Variants in ZFHX3 observed in about 807,000 individuals in gnomAD.
ZFHX3 encodes the protein zinc finger homeobox protein 3.
Under a neutral mutation model 279.1 loss-of-function variants are expected in ZFHX3, and 42 were observed. The observed-to-expected ratio is 0.15, with a 90% CI of 0.12 to 0.19. The LOEUF (loss-of-function observed/expected upper bound fraction) is 0.19. Among genes scored for constraint, ZFHX3 ranks in the 10% least tolerant of loss-of-function variants. The pLI, the probability that ZFHX3 is intolerant of heterozygous loss-of-function variation, is 1.00. For missense variants in ZFHX3, 4,981 were observed against 4,754.0 expected, an observed-to-expected ratio of 1.05 and a Z score of -1.40; for synonymous variants, 2,293 against 1,957.8, an observed-to-expected ratio of 1.17 and a Z score of -4.52.
chr16:73,167,012 C>A (rs1289087742), intron 5 of ZFHX3, among the ~76,000 whole-genome samples: 2 of 152,218 alleles, frequency 1.3e-5, no homozygotes, highest in African/African-American at 2.4e-5. Flanking sequence ...AAATTAGCTC[C>A]AAACTATAGC....
intron 3 of ZFHX3, among the ~76,000 whole-genome samples, chr16:72,932,504 T>C (rs1301627449): frequency 1.3e-5 from 2 of 152,084 alleles, no homozygotes; most frequent in Non-Finnish European, 2.9e-5. Flanking sequence ...ACTTAGTGCT[T>C]GAAGGAGACT....
At chr16:73,326,182 C>T (rs973756379) in intron 3 of ZFHX3, among the ~76,000 whole-genome samples, 3 of 152,142 alleles carry the variant, frequency 2.0e-5, no homozygotes, top group Middle Eastern at 3.2e-3. Context: ...TTATTCAATG[C>T]TACTTTGTAT....
exon 1 of ZFHX3, chr16:73,058,564 C>T: frequency 4.8e-6 from 1 of 208,034 alleles, no homozygotes; most frequent in Non-Finnish European, 9.2e-6. Flanking sequence ...GCTGCAGCGG[C>T]GCTGCTGGCG....
At chr16:73,035,673 C>G (rs760488258) in intron 1 of ZFHX3, among the ~76,000 whole-genome samples, 1 of 152,168 alleles carries the variant, frequency 6.6e-6, no homozygotes, top group Non-Finnish European at 1.5e-5. Context: ...ATCACTTGAG[C>G]TCAGGAGTTC....
At chr16:73,317,986 T>C (rs1171428427) in intron 4 of ZFHX3, among the ~76,000 whole-genome samples, 1 of 152,120 alleles carries the variant, frequency 6.6e-6, no homozygotes, top group African/African-American at 2.4e-5. Flanking sequence ...AGCAAAAGCA[T>C]CCATTTGGGT....
chr16:72,785,417 G>GTGTC lies in ZFHX3; in HGVS notation c.*1743_*1746dup, dbSNP rs1339681612. On this transcript the variant is annotated 3_prime_UTR_variant, in exon 10 of 10. Coordinates refer to ENST00000268489, the MANE Select transcript of ZFHX3 (RefSeq NM_006885.4). ...AGGACAAAACTTTGAAGTAAAAAAT[G>GTGTC]TGTCTTTTGGTATATGGAATTGTCA... 2 of 152,738 alleles carry GTGTC rather than the reference G, an allele frequency of 1.3e-5. No individual in the cohort carries two copies. The highest frequency in any genetic ancestry group is 1.9e-4 in the East Asian group (1 of 5,190). 9.5% of individuals were successfully genotyped at this position (152,738 alleles called of 1,614,324 possible).
chr16:73,558,874 A>G (rs2020327486), intron 2 of ZFHX3, among the ~76,000 whole-genome samples: 1 of 150,318 alleles, frequency 6.7e-6, no homozygotes, highest in African/African-American at 2.4e-5. Context: ...CACCATGCCC[A>G]GCTCACTTTT....
At chr16:73,666,499 C>T (rs1291077272) in intron 2 of ZFHX3, among the ~76,000 whole-genome samples, 2 of 151,858 alleles carry the variant, frequency 1.3e-5, no homozygotes, top group African/African-American at 4.9e-5. Flanking sequence ...ACAAAACCTC[C>T]TGAGACAGAA....
intron 4 of ZFHX3, among the ~76,000 whole-genome samples, chr16:73,298,018 C>G (rs1028949868): frequency 3.7e-5 from 5 of 136,286 alleles, no homozygotes; most frequent in Non-Finnish European, 6.4e-5. Context: ...GACCCTGTCT[C>G]TAAAAAAAAT....
At chr16:73,545,439 A>G (rs1253230247) in intron 2 of ZFHX3, among the ~76,000 whole-genome samples, 1 of 151,962 alleles carries the variant, frequency 6.6e-6, no homozygotes, top group East Asian at 1.9e-4. Flanking sequence ...TCTCTCTCCT[A>G]TTTTTTCATT....
chr16:73,000,843 G>A (rs1963468773), intron 1 of ZFHX3, among the ~76,000 whole-genome samples: 1 of 152,134 alleles, frequency 6.6e-6, no homozygotes, highest in African/African-American at 2.4e-5. Flanking sequence ...AACCCCTTAG[G>A]CAAAGCAATT....
chr16:73,067,465 G>A (rs1965769883), intron 8 of ZFHX3, among the ~76,000 whole-genome samples: 1 of 152,162 alleles, frequency 6.6e-6, no homozygotes, highest in Admixed American at 6.5e-5. Context: ...GAGCCCCTGG[G>A]TGCTGGCTTG....
intron 1 of ZFHX3, among the ~76,000 whole-genome samples, chr16:72,997,864 G>A (rs1309011787): frequency 6.6e-6 from 1 of 152,128 alleles, no homozygotes; most frequent in East Asian, 1.9e-4. Context: ...AAGATCGCTT[G>A]AGCCCAGGAG....
chr16:72,975,485 G>A (rs566861633), intron 1 of ZFHX3, among the ~76,000 whole-genome samples: 4 of 152,128 alleles, frequency 2.6e-5, no homozygotes, highest in East Asian at 3.9e-4. Context: ...GGGTGTACAG[G>A]GGGAAGAGAG....
chr16:73,652,130 G>T (rs1286090541), intron 2 of ZFHX3, among the ~76,000 whole-genome samples: 8 of 151,998 alleles, frequency 5.3e-5, no homozygotes, highest in Admixed American at 1.3e-4. Flanking sequence ...TTATGTAATT[G>T]AGTCTTTTCT....
At chr16:72,920,809 C>T (rs977556650) in intron 3 of ZFHX3, among the ~76,000 whole-genome samples, 2 of 152,022 alleles carry the variant, frequency 1.3e-5, no homozygotes, top group Admixed American at 6.6e-5. Context: ...GTGGCTCATG[C>T]CTGTAATCTC....
At chr16:73,055,723 T>TACACACAC (rs1306492960) in intron 1 of ZFHX3, among the ~76,000 whole-genome samples, 1 of 83,102 alleles carries the variant, frequency 1.2e-5, no homozygotes, top group Admixed American at 1.1e-4. Context: ...CACACACACA[T>TACACACAC]ACACACACAC....
intron 3 of ZFHX3, among the ~76,000 whole-genome samples, chr16:72,918,910 A>T (rs968727203): frequency 6.6e-5 from 10 of 151,884 alleles, no homozygotes; most frequent in Admixed American, 3.9e-4. Context: ...GTTAGCCAGG[A>T]TGGTCTCGAT....
At chr16:73,727,577 TA>T (rs1219646377) in intron 1 of ZFHX3, among the ~76,000 whole-genome samples, 1 of 152,238 alleles carries the variant, frequency 6.6e-6, no homozygotes, top group Non-Finnish European at 1.5e-5. Context: ...AGACCAGTTC[TA>T]ATCAGAGTTG....
Sources: allele counts gnomAD v4.1 joint callset (sites outside exome capture counted in the v4.1 genomes callset), GRCh38; gene constraint gnomAD v4.1.1; transcripts MANE v1.5; gene names NCBI Gene and HGNC (gene_info 2026-07-23, HGNC 2026-07-21).